Variants in MDN1 observed in about 807,000 individuals in gnomAD.
The protein encoded by MDN1 is midasin AAA ATPase 1, also known as midasin.
In MDN1, 266 loss-of-function variants were observed where a neutral mutation model predicts 669.2. The ratio of observed to expected loss-of-function variants is 0.40; its 90% confidence interval spans 0.36 to 0.44. The LOEUF is 0.44. Among genes scored for constraint, MDN1 ranks in the 20% least tolerant of loss-of-function variants. The pLI is 1.00. For missense variants in MDN1, 5,940 were observed against 6,754.0 expected (o/e 0.88, Z 4.22); for synonymous variants, 2,385 against 2,457.1 (o/e 0.97, Z 0.87).
chr6:89,758,815 C>T lies in MDN1; in HGVS notation c.2605+1G>A. 1 of 1,614,066 alleles carries T rather than the reference C, an allele frequency of 6.2e-7. No homozygotes were observed. The highest frequency in any genetic ancestry group is 1.1e-5 in the South Asian group (1 of 91,068). ...CAAATCCCAAGGGATTCAAGTGCTA[C>T]CTGTGTCTCCTCGATCCAGCAACAC... On this transcript the variant is annotated splice_donor_variant, in intron 18 of 101. Transcript: ENST00000369393. LOFTEE classifies it high-confidence loss of function.
intron 29 of MDN1, among the ~76,000 whole-genome samples, chr6:89,744,972 C>CTT (rs1201524054): frequency 7.3e-6 from 1 of 136,216 alleles, no homozygotes; most frequent in Non-Finnish European, 1.6e-5. Flanking sequence ...ATCTTAGTTT[C>CTT]TTTTTTTTTT....
In MDN1 at chr6:89,722,957, T is replaced by G. The variant is rs549493479; in HGVS notation, c.5965A>C (p.Lys1989Gln). 2.2e-5 allele frequency: 35 copies of G among 1,606,040 alleles called. No homozygotes were observed. Among genetic ancestry groups the G allele is most frequent in the Admixed American group, 3.4e-5 (2 of 58,468 alleles). The change falls in exon 40 of 102, where the codon AAG becomes CAG. Residue 1989 changes from lysine (K) to glutamine (Q), a missense_variant and splice_region_variant. Physicochemically the swap from Lys to Gln is moderately conservative, Grantham distance 53 (BLOSUM62 1). Around this residue, in one of 5 missense-constraint regions of MDN1, gnomAD observed 2,292 missense variants for 2,638.3 expected, o/e 0.87. Coordinates refer to ENST00000369393, the MANE Select transcript of MDN1 (RefSeq NM_014611.3). ...ERMRTEEDKK[K>Q]VIAVFKDVFG... ...CAAATACCAAGCGTGAAACTCACCT[T>G]TTTTTTGTCCTCTTCGGTTCTCATT...
At chr6:89,666,348 C>T (rs1177875279) in intron 84 of MDN1, among the ~76,000 whole-genome samples, 2 of 152,216 alleles carry the variant, frequency 1.3e-5, no homozygotes, top group Non-Finnish European at 2.9e-5. Flanking sequence ...CCACTGCAAC[C>T]TCTGCCTCCC....
At chr6:89,781,624 C>T (rs777463412) in intron 9 of MDN1, 32 bp from the exon 10 acceptor site, 3 of 1,513,644 alleles carry the variant, frequency 2.0e-6, no homozygotes, top group Non-Finnish European at 2.7e-6. Flanking sequence ...GAAAATTTAA[C>T]AGCCAGCATG....
At chr6:89,734,072 G>A (rs1815774006) in intron 33 of MDN1, among the ~76,000 whole-genome samples, 1 of 151,766 alleles carries the variant, frequency 6.6e-6, no homozygotes, top group Non-Finnish European at 1.5e-5. Flanking sequence ...ATCACTAGAG[G>A]CCAGGAGTTC....
chr6:89,731,807 C>CA (rs1478513746), intron 34 of MDN1, among the ~76,000 whole-genome samples: 1 of 147,256 alleles, frequency 6.8e-6, no homozygotes, highest in African/African-American at 2.5e-5. Flanking sequence ...CGCCCCCCCC[C>CA]CCCACCTTTT....
At chr6:89,664,080 C>G (rs1810012055) in intron 85 of MDN1, among the ~76,000 whole-genome samples, 1 of 152,126 alleles carries the variant, frequency 6.6e-6, no homozygotes, top group African/African-American at 2.4e-5. Context: ...GAGGGGGGAT[C>G]TATTTCTTTT....
rs192661618 is a variant in MDN1 at position 89,740,024 on chromosome 6, A to G, written c.4593+210T>C. Reference sequence around the variant, plus strand: ...TGTAACAATGACATTTCAGGCACATACACAAAGTGAGATATCAAATAAGGA... The same window carrying G: ...TGTAACAATGACATTTCAGGCACATGCACAAAGTGAGATATCAAATAAGGA... On this transcript the variant is annotated intron_variant, in intron 32 of 101. Coordinates refer to ENST00000369393, the MANE Select transcript of MDN1 (RefSeq NM_014611.3). Among the ~76,000 whole-genome samples, 3 of 152,368 alleles carry G rather than the reference A, an allele frequency of 2.0e-5. No homozygotes were observed. In the East Asian group the frequency reaches 5.8e-4, roughly 29 times the overall value.
intron 37 of MDN1, 29 bp downstream of exon 37, chr6:89,727,804 G>C: frequency 6.2e-7 from 1 of 1,611,282 alleles, no homozygotes; most frequent in South Asian, 1.1e-5. Flanking sequence ...CATGATCACC[G>C]TCTTGGGCAT....
At chr6:89,683,428 T>C in intron 72 of MDN1, 98 bp from the exon 73 acceptor site, 1 of 907,910 alleles carries the variant, frequency 1.1e-6, no homozygotes, top group Non-Finnish European at 1.7e-6. Flanking sequence ...CATAATCTAA[T>C]ACCCTGTACC....
chr6:89,764,807 G>T (rs1817722819), intron 15 of MDN1, among the ~76,000 whole-genome samples: 2 of 152,186 alleles, frequency 1.3e-5, no homozygotes, highest in Admixed American at 6.5e-5. Context: ...TATCAGAGAA[G>T]TACCACTGTC....
chr6:89,718,796 T>C lies in MDN1; in HGVS notation c.6292A>G (p.Thr2098Ala). 2 of 1,614,224 alleles carry C rather than the reference T, an allele frequency of 1.2e-6. No individual in the cohort carries two copies. The highest frequency in any genetic ancestry group is 1.7e-6 in the Non-Finnish European group (2 of 1,180,036). The change falls in exon 42 of 102, where the codon ACT (threonine) becomes GCT (alanine). Residue 2098 changes from threonine (T) to alanine (A), a missense_variant. Thr to Ala is a moderately conservative substitution (Grantham distance 58). Coordinates refer to ENST00000369393, the MANE Select transcript of MDN1 (RefSeq NM_014611.3). ...TCAAATCCACCCAGCAGCTCAGTAG[T>C]ATCCATTGCACTGTTCATAGCCATG... ...KIMAMNSAMD[T>A]TELLGGFEQV...
At chr6:89,658,425 TGG>T (rs1809484135) in intron 89 of MDN1, 55 bp from the exon 90 acceptor site, 2 of 1,604,642 alleles carry the variant, frequency 1.2e-6, no homozygotes, top group Admixed American at 3.4e-5. Flanking sequence ...CAGCATAAGG[TGG>T]GAGACCTTGC....
At chr6:89,790,483 C>T in intron 5 of MDN1, 82 bp from the exon 6 acceptor site, 1 of 1,557,930 alleles carries the variant, frequency 6.4e-7, no homozygotes, top group South Asian at 1.1e-5. Context: ...AAGCCTTCTA[C>T]TAACCTTACA....
chr6:89,708,460 A>G (rs1813667678), intron 51 of MDN1, 36 bp downstream of exon 51: 1 of 1,606,792 alleles, frequency 6.2e-7, no homozygotes, highest in African/African-American at 1.3e-5. Flanking sequence ...GAAGCCAGTG[A>G]GGCAAACAGT....
intron 1 of MDN1, 85 bp from the exon 2 acceptor site, chr6:89,803,639 T>C (rs905234571): frequency 1.4e-4 from 135 of 980,284 alleles, no homozygotes; most frequent in Non-Finnish European, 1.1e-4. Flanking sequence ...GCAAGTGCAG[T>C]GGTGCAATCT....
chr6:89,693,874 T>C (rs1335158551), intron 62 of MDN1, among the ~76,000 whole-genome samples, 200 bp downstream of exon 62: 1 of 152,188 alleles, frequency 6.6e-6, no homozygotes, highest in African/African-American at 2.4e-5. Context: ...CTTGGCCCCA[T>C]GTGAACACAC....
intron 2 of MDN1, among the ~76,000 whole-genome samples, chr6:89,802,763 TAA>T (rs1018443960): frequency 5.9e-5 from 9 of 152,184 alleles, no homozygotes; most frequent in Admixed American, 4.6e-4. Context: ...GTGAAAGTTT[TAA>T]AAATCTTTTC....
At chr6:89,773,875 G>C (rs1308103835) in intron 13 of MDN1, among the ~76,000 whole-genome samples, 3 of 151,890 alleles carry the variant, frequency 2.0e-5, no homozygotes, top group African/African-American at 7.3e-5. Flanking sequence ...TGAGGCAGGA[G>C]AATCGCTTGA....
Sources: gnomAD v4.1 joint callset for allele counts (sites outside exome capture counted in the v4.1 genomes callset) on GRCh38, gnomAD v4.1.1 for gene constraint, gnomAD v4.1.1 regional missense constraint, MANE v1.5 for transcripts, NCBI Gene and HGNC (gene_info 2026-07-23, HGNC 2026-07-21) for gene names.